The following KHDRBS2 variants were observed in gnomAD, a reference collection of about 807,000 sequenced individuals.
KHDRBS2 encodes KH RNA binding domain containing, signal transduction associated 2.
A neutral mutation model predicts 44.3 loss-of-function variants in KHDRBS2; 26 were observed. The ratio of observed to expected loss-of-function variants is 0.59; its 90% CI spans 0.43 to 0.81. KHDRBS2 has a LOEUF of 0.81. Ranked by LOEUF, KHDRBS2 falls within the 40% of genes least tolerant of loss-of-function variation. The pLI is 0.00. For synonymous variants in KHDRBS2, 194 were observed against 151.1 expected, an observed-to-expected ratio of 1.28 and a Z score of -2.08; for missense variants, 476 against 433.1, an observed-to-expected ratio of 1.10 and a Z score of -0.88.
intron 7 of KHDRBS2, among the ~76,000 whole-genome samples, chr6:61,715,883 T>C (rs1771327974): frequency 6.6e-6 from 1 of 151,954 alleles, no homozygotes; most frequent in South Asian, 2.1e-4. Flanking sequence ...TTTGAATCCT[T>C]AAAATGTTTA....
intron 6 of KHDRBS2, among the ~76,000 whole-genome samples, chr6:61,749,405 C>A (rs1254513030): frequency 1.3e-5 from 2 of 152,104 alleles, no homozygotes; most frequent in East Asian, 3.8e-4. Flanking sequence ...ATGAAAATAG[C>A]TGATCAGAAA....
At chr6:61,777,661 C>A (rs368271473) in intron 6 of KHDRBS2, among the ~76,000 whole-genome samples, 1 of 152,114 alleles carries the variant, frequency 6.6e-6, no homozygotes, top group African/African-American at 2.4e-5. Context: ...GACATTAGTA[C>A]ATTGATGCTC....
At chr6:61,786,469 T>C (rs9452284) in intron 6 of KHDRBS2, among the ~76,000 whole-genome samples, 4,707 of 152,078 alleles carry the variant, frequency 0.031, 265 homozygotes, top group African/African-American at 0.11. Context: ...AAAATATCCA[T>C]AATTTTGTCA....
At chr6:62,018,509 G>A (rs1489344925) in intron 3 of KHDRBS2, among the ~76,000 whole-genome samples, 16 of 152,108 alleles carry the variant, frequency 1.1e-4, no homozygotes, top group Non-Finnish European at 1.5e-4. Context: ...CACCACGCCC[G>A]GCTAATTTTT....
intron 2 of KHDRBS2, among the ~76,000 whole-genome samples, chr6:62,142,644 G>A (rs1355343520): frequency 6.6e-6 from 1 of 151,812 alleles, no homozygotes; most frequent in African/African-American, 2.4e-5. Flanking sequence ...GAGGATATAG[G>A]ACTACTTTAA....
intron 6 of KHDRBS2, among the ~76,000 whole-genome samples, chr6:61,805,467 G>A (rs1023244408): frequency 6.6e-6 from 1 of 152,092 alleles, no homozygotes; most frequent in African/African-American, 2.4e-5. Flanking sequence ...CAGCTCCAAA[G>A]TCACTTCCAC....
the KHDRBS2 span, among the ~76,000 whole-genome samples, chr6:61,562,650 C>T: frequency 4.6e-5 from 7 of 152,006 alleles, no homozygotes; most frequent in Non-Finnish European, 7.4e-5. Flanking sequence ...ATTTGAAATG[C>T]AAACATCAAG....
At chr6:61,604,428 C>T in the KHDRBS2 span, among the ~76,000 whole-genome samples, 1 of 152,204 alleles carries the variant, frequency 6.6e-6, no homozygotes, top group East Asian at 1.9e-4. Flanking sequence ...ACCACTGAAA[C>T]TTCCACCTAT....
intron 1 of KHDRBS2, among the ~76,000 whole-genome samples, chr6:62,259,743 C>A (rs1369444697): frequency 6.6e-6 from 1 of 151,792 alleles, no homozygotes; most frequent in Non-Finnish European, 1.5e-5. Context: ...AAGGTAAAAG[C>A]CACTCCAAGG....
chr6:61,984,275 T>C (rs74865151), intron 3 of KHDRBS2, among the ~76,000 whole-genome samples: 1 of 152,200 alleles, frequency 6.6e-6, no homozygotes, highest in Admixed American at 6.5e-5. Context: ...ATTAATCTTT[T>C]TGTTTCCCTT....
chr6:61,773,652 A>T (rs1011720521), intron 6 of KHDRBS2, among the ~76,000 whole-genome samples: 3 of 149,494 alleles, frequency 2.0e-5, no homozygotes, highest in Non-Finnish European at 4.5e-5. Flanking sequence ...GTTTAATTAG[A>T]TCCCATTTGT....
chr6:61,543,754 G>C, the KHDRBS2 span, among the ~76,000 whole-genome samples: 1 of 152,044 alleles, frequency 6.6e-6, no homozygotes, highest in African/African-American at 2.4e-5. Context: ...ATACACAATG[G>C]AGTACTATTC....
chr6:61,609,570 C>T, the KHDRBS2 span, among the ~76,000 whole-genome samples: 147 of 152,240 alleles, frequency 9.7e-4, no homozygotes, highest in African/African-American at 3.3e-3. Context: ...CTACGGGCTT[C>T]ATAGCTATCA....
chr6:62,152,979 C>T (rs1239798567), intron 2 of KHDRBS2, among the ~76,000 whole-genome samples: 2 of 152,192 alleles, frequency 1.3e-5, no homozygotes, highest in Admixed American at 6.5e-5. Context: ...CTGATAGCAT[C>T]GGGACTTTGG....
At chr6:61,546,048 A>G in the KHDRBS2 span, among the ~76,000 whole-genome samples, 1 of 152,146 alleles carries the variant, frequency 6.6e-6, no homozygotes, top group Admixed American at 6.6e-5. Context: ...GCTGACTAAT[A>G]CAGTCTCTCT....
intron 2 of KHDRBS2, among the ~76,000 whole-genome samples, chr6:62,168,629 T>A (rs1402073266): frequency 6.6e-6 from 1 of 152,170 alleles, no homozygotes; most frequent in Non-Finnish European, 1.5e-5. Context: ...AAAAATGGAA[T>A]TTTAATCATT....
chr6:61,605,045 C>T, the KHDRBS2 span, among the ~76,000 whole-genome samples: 1 of 152,156 alleles, frequency 6.6e-6, no homozygotes, highest in African/African-American at 2.4e-5. Context: ...CTTTTAAAAA[C>T]ACACCTCACC....
the KHDRBS2 span, among the ~76,000 whole-genome samples, chr6:61,659,431 C>A: frequency 8.6e-5 from 13 of 151,834 alleles, no homozygotes; most frequent in Admixed American, 4.0e-4. Flanking sequence ...CAATTTAGGG[C>A]TCATAGTTAA....
chr6:62,036,081 G>C (rs1414854009), intron 3 of KHDRBS2, among the ~76,000 whole-genome samples: 4 of 151,882 alleles, frequency 2.6e-5, no homozygotes. Context: ...TTCTCCTAAG[G>C]GTGGGGCTAG....
Sources: gnomAD v4.1 joint callset for allele counts (sites outside exome capture counted in the v4.1 genomes callset) on GRCh38, gnomAD v4.1.1 for gene constraint, MANE v1.5 for transcripts, NCBI Gene and HGNC (gene_info 2026-07-23, HGNC 2026-07-21) for gene names.